BTBD2: variants seen among roughly 807,000 people sequenced by gnomAD.
The protein encoded by BTBD2 is BTB domain containing 2, also known as BTB/POZ domain-containing protein 2.
BTBD2 carries 15 observed loss-of-function variants against 44.0 expected under a neutral mutation model. The observed-to-expected ratio is 0.34, with a 90% CI of 0.23 to 0.53. The LOEUF (loss-of-function observed/expected upper bound fraction) is 0.53. Ranked by LOEUF, BTBD2 falls within the 20% of genes least tolerant of loss-of-function variation. The pLI, the probability that BTBD2 is intolerant of heterozygous loss-of-function variation, is 0.95. For missense variants in BTBD2, 657 were observed against 746.4 expected (o/e 0.88, Z 1.39); for synonymous variants, 443 against 335.9 (o/e 1.32, Z -3.49).
intron 1 of BTBD2, among the ~76,000 whole-genome samples, chr19:1,998,181 A>C (rs983131530): frequency 1.3e-5 from 2 of 152,162 alleles, no homozygotes; most frequent in African/African-American, 2.4e-5. Flanking sequence ...TCTACTCTCT[A>C]TCACTCTCCT....
At chr19:1,991,856 C>T (rs370208061) in intron 3 of BTBD2, 2 of 152,266 alleles carry the variant, frequency 1.3e-5, no homozygotes, top group African/African-American at 2.4e-5. Context: ...CCCCTGAGAT[C>T]CCTGGCCCTG....
chr19:1,993,351 C>T (rs2016207505), intron 2 of BTBD2, among the ~76,000 whole-genome samples, 175 bp from the exon 3 acceptor site: 1 of 152,208 alleles, frequency 6.6e-6, no homozygotes, highest in African/African-American at 2.4e-5. Context: ...CTGTCCGTTG[C>T]CCTCTGACAT....
At chr19:1,996,164 C>T (rs749787931) in intron 2 of BTBD2, among the ~76,000 whole-genome samples, 15 of 152,314 alleles carry the variant, frequency 9.8e-5, no homozygotes, top group South Asian at 2.1e-4. Context: ...TTGGTCCCCA[C>T]GTTCTGTCCT....
rs763587966 is a variant in BTBD2 at position 1,990,086 on chromosome 19, C to T, written c.906G>A (p.Thr302=). 1.3e-5 allele frequency: 21 copies of T among 1,613,070 alleles called. No individual in the cohort carries two copies. Among genetic ancestry groups the T allele is most frequent in the South Asian group, 9.9e-5 (9 of 91,072 alleles). The part of the protein sequence containing the change: ...AECQRQQLQV[T]PENRRKVLGK... ...CCAGAACCTTCCGCCTGTTCTCTGGCGTCACCTGCAGCTGCTGCCGCTGAC... is the reference window on the plus strand; with the variant it reads ...CCAGAACCTTCCGCCTGTTCTCTGGTGTCACCTGCAGCTGCTGCCGCTGAC... The change falls in exon 5 of 9, where the codon ACG becomes ACA. Residue 302 remains threonine, a synonymous_variant. Transcript: ENST00000255608.
Position 1,987,268 on chromosome 19 carries a change from G to A in BTBD2, c.1182-15C>T, listed in dbSNP as rs2016100823. 3.7e-6 allele frequency: 6 copies of A among 1,613,288 alleles called. No individual in the cohort carries two copies. Among genetic ancestry groups the A allele is most frequent in the Admixed American group, 1.7e-5 (1 of 59,954 alleles). ...TGACTGAGAACCTGCCGTGGCAGAT[G>A]ACAGGCAGCAGCGTGGATACCCAGG... On this transcript the variant is annotated splice_polypyrimidine_tract_variant and intron_variant, in intron 6 of 8. Transcript: ENST00000255608.
chr19:2,012,162 A>AT (rs35102684), intron 1 of BTBD2, among the ~76,000 whole-genome samples: 22,482 of 122,014 alleles, frequency 0.18, 2,048 homozygotes, highest in Middle Eastern at 0.31. Context: ...CCTGTCCTTT[A>AT]TTTTTTTTGA....
chr19:2,009,178 C>CCGG (rs1230465867), intron 1 of BTBD2, among the ~76,000 whole-genome samples: 2 of 143,266 alleles, frequency 1.4e-5, no homozygotes, highest in Non-Finnish European at 3.0e-5. Context: ...GCCACCACGC[C>CCGG]CGGCTAATTT....
Position 1,987,924 on chromosome 19 carries a change from C to T in BTBD2, c.989-232G>A, listed in dbSNP as rs111644834. 1,122 of 547,574 alleles carry T rather than the reference C, an allele frequency of 2.0e-3. 11 individuals carry two copies. Among genetic ancestry groups the T allele is most frequent in the African/African-American group, 0.018 (957 of 52,210 alleles). 33.9% of individuals were successfully genotyped at this position (547,574 alleles called of 1,614,324 possible). A position where few individuals can be genotyped will look rare whatever the true frequency, so the allele number is the denominator to read the frequency against. ...GCCGACAGATACGCTCACTCAGGGG[C>T]GATGCCTCAGGGTCTGACAGATGCA... On this transcript the variant is annotated intron_variant, in intron 5 of 8. Transcript: ENST00000255608.
At chr19:2,009,439 C>T (rs2016435893) in intron 1 of BTBD2, among the ~76,000 whole-genome samples, 2 of 151,746 alleles carry the variant, frequency 1.3e-5, no homozygotes, top group South Asian at 4.2e-4. Context: ...ACCTCGTGAT[C>T]CGCCTGACTC....
intron 4 of BTBD2, 96 bp from the exon 5 acceptor site, chr19:1,990,297 G>A (rs566574680): frequency 2.5e-5 from 35 of 1,410,264 alleles, no homozygotes; most frequent in Middle Eastern, 2.1e-4. Flanking sequence ...AGTTAAAGCC[G>A]GGCTGGCAAC....
chr19:1,989,584 C>T (rs1355359549), intron 5 of BTBD2: 9 of 271,258 alleles, frequency 3.3e-5, no homozygotes, highest in East Asian at 2.0e-4. Context: ...TGCCCCTTCA[C>T]GTCACCCTGG....
At chr19:2,011,400 C>A (rs1393940195) in intron 1 of BTBD2, among the ~76,000 whole-genome samples, 1 of 152,274 alleles carries the variant, frequency 6.6e-6, no homozygotes, top group Non-Finnish European at 1.5e-5. Flanking sequence ...ACCCTCAATG[C>A]GGATCTGGTC....
intron 2 of BTBD2, among the ~76,000 whole-genome samples, chr19:1,993,954 G>A (rs530789298): frequency 1.7e-5 from 2 of 115,176 alleles, no homozygotes; most frequent in East Asian, 3.0e-4. Context: ...CTGAGATCTC[G>A]CCACTGCACT....
At chr19:2,012,449 C>A (rs1379800629) in intron 1 of BTBD2, among the ~76,000 whole-genome samples, 2 of 152,252 alleles carry the variant, frequency 1.3e-5, no homozygotes, top group East Asian at 1.9e-4. Context: ...CGCACCCGGC[C>A]CCTTAGACTT....
chr19:2,013,563 G>A (rs1470943514), intron 1 of BTBD2: 1 of 986,998 alleles, frequency 1.0e-6, no homozygotes, highest in East Asian at 1.1e-4. Flanking sequence ...CAGAGTCCAG[G>A]GTCCAGAGCC....
chr19:1,994,872 A>C (rs1345682626), intron 2 of BTBD2, among the ~76,000 whole-genome samples: 3 of 152,150 alleles, frequency 2.0e-5, no homozygotes, highest in African/African-American at 7.2e-5. Flanking sequence ...CCCTAAGTCC[A>C]ATGTCTTTGT....
chr19:1,990,632 A>C, intron 4 of BTBD2, 85 bp downstream of exon 4: 10 of 1,294,480 alleles, frequency 7.7e-6, no homozygotes, highest in Non-Finnish European at 1.1e-5. Context: ...CAACTCCCCC[A>C]GGCCCAAAGC....
At position 1,990,888 on chromosome 19, in the gene BTBD2, G is replaced by C. The variant is rs2016167775; in HGVS notation, c.685-66C>G. Reference sequence around the variant, plus strand: ...GCACCCAGCCCTCGGCAGATCCCCAGTGCGGGGCCGGTTCAAATGCAGCCC... The same window carrying C: ...GCACCCAGCCCTCGGCAGATCCCCACTGCGGGGCCGGTTCAAATGCAGCCC... On this transcript the variant is annotated intron_variant, in intron 3 of 8. Transcript: ENST00000255608. 4 of 1,402,738 alleles carry C rather than the reference G, an allele frequency of 2.9e-6. No homozygotes were observed. In the Admixed American group the frequency reaches 6.0e-5, roughly 21 times the overall value. 86.9% of individuals were successfully genotyped at this position (1,402,738 alleles called of 1,614,324 possible). A position where few individuals can be genotyped will look rare whatever the true frequency, so the allele number is the denominator to read the frequency against.
chr19:1,987,930 C>T (rs919007671), intron 5 of BTBD2: 3 of 543,130 alleles, frequency 5.5e-6, no homozygotes, highest in Admixed American at 3.4e-5. Flanking sequence ...GGGGCGATGC[C>T]TCAGGGTCTG....
Sources: allele counts gnomAD v4.1 joint callset (sites outside exome capture counted in the v4.1 genomes callset), GRCh38; gene constraint gnomAD v4.1.1; transcripts MANE v1.5; gene names NCBI Gene and HGNC (gene_info 2026-07-23, HGNC 2026-07-21).